ARHGAP32: variants seen among roughly 807,000 people sequenced by gnomAD.
ARHGAP32 encodes Rho GTPase activating protein 32, also known as rho GTPase-activating protein 32.
A neutral mutation model predicts 186.5 loss-of-function variants in ARHGAP32; 51 were observed. The observed-to-expected ratio is 0.27, with a 90% CI of 0.22 to 0.35. ARHGAP32 has a LOEUF of 0.35. Ranked by LOEUF, ARHGAP32 falls within the 10% of genes least tolerant of loss-of-function variation. The probability of loss-of-function intolerance (pLI) is 1.00; values close to 1 mark genes in which losing one functional copy is unlikely to be tolerated. For synonymous variants in ARHGAP32, 950 were observed against 964.3 expected (o/e 0.99, Z 0.27); for missense variants, 2,186 against 2,623.5 (o/e 0.83, Z 3.64).
intron 2 of ARHGAP32, among the ~76,000 whole-genome samples, chr11:129,164,058 C>T (rs1244112266): frequency 6.6e-6 from 1 of 152,086 alleles, no homozygotes; most frequent in Admixed American, 6.6e-5. Context: ...CTCATCTTCC[C>T]ACAGAGGCCA....
At chr11:128,972,387 C>A in intron 22 of ARHGAP32, 66 bp downstream of exon 22, 1 of 1,464,146 alleles carries the variant, frequency 6.8e-7, no homozygotes, top group Non-Finnish European at 9.1e-7. Context: ...ACAACACACC[C>A]TGCTGAAAAG....
chr11:129,039,764 TA>T (rs1207675830), intron 11 of ARHGAP32, among the ~76,000 whole-genome samples: 1 of 152,202 alleles, frequency 6.6e-6, no homozygotes, highest in Non-Finnish European at 1.5e-5. Flanking sequence ...GCCGTATTTT[TA>T]AAAAGAATGA....
At chr11:129,226,181 A>G (rs1275075363) in intron 1 of ARHGAP32, among the ~76,000 whole-genome samples, 1 of 152,198 alleles carries the variant, frequency 6.6e-6, no homozygotes, top group Non-Finnish European at 1.5e-5. Flanking sequence ...ACTTGCATAC[A>G]TACAGTGAGA....
At chr11:129,226,394 TC>T (rs1306571066) in intron 1 of ARHGAP32, among the ~76,000 whole-genome samples, 56 of 152,120 alleles carry the variant, frequency 3.7e-4, no homozygotes, top group Admixed American at 3.7e-3. Context: ...ATACAAGGGA[TC>T]CTCCATAAGA....
chr11:129,086,322 T>C (rs772682122), intron 6 of ARHGAP32, among the ~76,000 whole-genome samples: 1 of 152,118 alleles, frequency 6.6e-6, no homozygotes, highest in Non-Finnish European at 1.5e-5. Flanking sequence ...AATACAGAAC[T>C]ATAAAACTCC....
chr11:129,278,912 G>A (rs1323181158), intron 1 of ARHGAP32, among the ~76,000 whole-genome samples: 3 of 148,690 alleles, frequency 2.0e-5, no homozygotes, highest in Non-Finnish European at 4.5e-5. Context: ...GCCGCGGGGA[G>A]CGCGGGGCGC....
At chr11:129,000,953 T>C (rs1946342501) in intron 11 of ARHGAP32, among the ~76,000 whole-genome samples, 2 of 152,174 alleles carry the variant, frequency 1.3e-5, no homozygotes, top group Non-Finnish European at 2.9e-5. Flanking sequence ...TGCAAATGAC[T>C]GAATCTCATT....
intron 12 of ARHGAP32, among the ~76,000 whole-genome samples, chr11:128,996,868 C>T (rs1946216183): frequency 6.6e-6 from 1 of 152,116 alleles, no homozygotes; most frequent in Admixed American, 6.5e-5. Context: ...CGACCCCCAC[C>T]TCCCAAGCTC....
At chr11:129,187,234 G>T (rs1000698279) in intron 1 of ARHGAP32, among the ~76,000 whole-genome samples, 2 of 152,148 alleles carry the variant, frequency 1.3e-5, no homozygotes, top group African/African-American at 4.8e-5. Context: ...GGAGCTAGAG[G>T]TCATTATGTT....
chr11:129,235,877 C>T (rs536482824), intron 1 of ARHGAP32, among the ~76,000 whole-genome samples: 8 of 148,968 alleles, frequency 5.4e-5, no homozygotes, highest in African/African-American at 1.7e-4. Context: ...CAGGTTGCTG[C>T]AAATGCCATT....
At chr11:129,070,566 G>A (rs569227472) in intron 6 of ARHGAP32, among the ~76,000 whole-genome samples, 1 of 151,942 alleles carries the variant, frequency 6.6e-6, no homozygotes, top group African/African-American at 2.4e-5. Flanking sequence ...TAACACATTT[G>A]TATTTAAGTT....
chr11:129,205,594 G>A (rs763336641), intron 1 of ARHGAP32, among the ~76,000 whole-genome samples: 224 of 152,168 alleles, frequency 1.5e-3, no homozygotes, highest in Middle Eastern at 3.4e-3. Context: ...CTTCTGAACA[G>A]AATAATCATA....
chr11:129,018,816 T>G (rs7942958), intron 11 of ARHGAP32, among the ~76,000 whole-genome samples: 4 of 152,070 alleles, frequency 2.6e-5, no homozygotes, highest in African/African-American at 9.6e-5. Flanking sequence ...TTAAAGGAAC[T>G]GAACAAATAC....
chr11:129,009,801 G>T (rs895286729), intron 11 of ARHGAP32, among the ~76,000 whole-genome samples: 3 of 152,160 alleles, frequency 2.0e-5, no homozygotes, highest in Admixed American at 1.3e-4. Context: ...GAACGTACGG[G>T]TGCGTGTATC....
chr11:129,265,914 G>T (rs1036347721), intron 1 of ARHGAP32, among the ~76,000 whole-genome samples: 1 of 152,104 alleles, frequency 6.6e-6, no homozygotes, highest in African/African-American at 2.4e-5. Context: ...TATAAAAAAT[G>T]AGTAACACAT....
intron 1 of ARHGAP32, among the ~76,000 whole-genome samples, chr11:129,211,542 G>A (rs1344620182): frequency 2.0e-5 from 3 of 152,076 alleles, no homozygotes; most frequent in South Asian, 2.1e-4. Flanking sequence ...TATGCAAGCC[G>A]AAAGTCAGGA....
chr11:129,132,321 T>C (rs1942830693), intron 2 of ARHGAP32, among the ~76,000 whole-genome samples: 1 of 151,872 alleles, frequency 6.6e-6, no homozygotes, highest in Non-Finnish European at 1.5e-5. Context: ...TCTACAGAAA[T>C]ATTTAAATGT....
intron 1 of ARHGAP32, among the ~76,000 whole-genome samples, chr11:129,183,958 C>A (rs78138265): frequency 0.28 from 43,227 of 151,878 alleles, 6,482 homozygotes; most frequent in Middle Eastern, 0.4. Flanking sequence ...AAAAATAAAT[C>A]CTTAACAGAA....
intron 9 of ARHGAP32, among the ~76,000 whole-genome samples, chr11:129,063,064 AT>A: frequency 6.6e-6 from 1 of 152,194 alleles, no homozygotes; most frequent in African/African-American, 2.4e-5. Context: ...ATCAAAAGAA[AT>A]GCTGATATCT....
Sources: gnomAD v4.1 joint callset for allele counts (sites outside exome capture counted in the v4.1 genomes callset) on GRCh38, gnomAD v4.1.1 for gene constraint, MANE v1.5 for transcripts, NCBI Gene and HGNC (gene_info 2026-07-23, HGNC 2026-07-21) for gene names.